NAV3: variants seen among roughly 807,000 people sequenced by gnomAD.
NAV3 encodes pore membrane and/or filament interacting like protein 1.
In NAV3, 87 loss-of-function variants were observed where a neutral mutation model predicts 244.7. The ratio of observed to expected loss-of-function variants is 0.36; its 90% CI spans 0.30 to 0.42. NAV3 has a LOEUF of 0.42. NAV3 is among the 20% of genes least tolerant of loss of function. The pLI, the probability that NAV3 is intolerant of heterozygous loss-of-function variation, is 1.00. For synonymous variants in NAV3, 1,126 were observed against 1,042.2 expected, an observed-to-expected ratio of 1.08 and a Z score of -1.55; for missense variants, 2,663 against 2,893.3, an observed-to-expected ratio of 0.92 and a Z score of 1.83.
chr12:77,868,339 C>A (rs528251035), intron 1 of NAV3, among the ~76,000 whole-genome samples: 3 of 152,054 alleles, frequency 2.0e-5, no homozygotes, highest in Non-Finnish European at 4.4e-5. Flanking sequence ...GTATGTTATT[C>A]TATTTTATCT....
At position 78,210,626 on chromosome 12, in the gene NAV3, GA is replaced by G; in HGVS notation, c.*110del. On this transcript the variant is annotated 3_prime_UTR_variant, in exon 40 of 40. Transcript: ENST00000397909. ...ATAAAAGCACCCTGTCAAGGGCCCT[GA>G]CCCAGAGTTGTGGTCTCCAAGGAGG... The G allele has an allele frequency of 7.5e-7, 1 of 1,340,000 alleles. No individual in the cohort carries two copies. Among genetic ancestry groups the G allele is most frequent in the East Asian group, 2.5e-5 (1 of 39,746 alleles). The allele number at this position is 1,340,000 out of a possible 1,614,324, so 83.0% of individuals were successfully genotyped here. A position where few individuals can be genotyped will look rare whatever the true frequency, so the allele number is the denominator to read the frequency against.
At chr12:77,958,307 G>T (rs1427929422) in intron 3 of NAV3, among the ~76,000 whole-genome samples, 1 of 152,116 alleles carries the variant, frequency 6.6e-6, no homozygotes, top group Non-Finnish European at 1.5e-5. Flanking sequence ...TAGTGGCTGT[G>T]TCTCGAAATT....
In NAV3 at chr12:78,015,118, C is replaced by T. The variant is rs983754292; in HGVS notation, c.1908-6629C>T. Among the ~76,000 whole-genome samples, 5 of 152,080 alleles carry T rather than the reference C, an allele frequency of 3.3e-5. No homozygotes were observed. In the East Asian group the frequency reaches 9.6e-4, roughly 29 times the overall value. On this transcript the variant is annotated intron_variant, in intron 8 of 39. Transcript: ENST00000397909. ...CTTTTCTGTGCTTGATTACGAGGTT[C>T]ATGGCAAGATTGCCTAACCAAACCA...
At chr12:77,642,783 C>A (rs778805288) in intron 2 of NAV3, among the ~76,000 whole-genome samples, 11 of 151,872 alleles carry the variant, frequency 7.2e-5, no homozygotes, top group Non-Finnish European at 1.5e-4. Flanking sequence ...GAAAAAAAGT[C>A]TTTGGTTATA....
Position 78,119,784 on chromosome 12 carries a change from A to C in NAV3, c.3588A>C (p.Gln1196His), listed in dbSNP as rs2138632167. The C allele has an allele frequency of 3.1e-6, 5 of 1,614,048 alleles. No homozygotes were observed. Among genetic ancestry groups the C allele is most frequent in the Non-Finnish European group, 4.2e-6 (5 of 1,180,010 alleles). Residue 1196 changes from glutamine to histidine, a missense_variant, in exon 15 of 40, where the codon CAA (glutamine) becomes CAC (histidine). This residue lies in a region of NAV3 where 1,521 missense variants were observed against 1,497.0 expected (regional missense o/e 1.02). Transcript: ENST00000397909. The part of the protein sequence containing the change: ...SGRSSPVTVN[Q>H]TDKEKEKVAV... ...GCTCGAGTCCTGTCACCGTCAACCA[A>C]ACAGACAAGGAAAAGGAAAAAGTAG...
At chr12:78,075,127 A>G (rs1434181348) in intron 12 of NAV3, among the ~76,000 whole-genome samples, 4 of 152,194 alleles carry the variant, frequency 2.6e-5, no homozygotes, top group African/African-American at 9.7e-5. Context: ...CTTTCCCTGT[A>G]TATCTGACAC....
chr12:77,763,277 A>C (rs1869579380), intron 2 of NAV3, among the ~76,000 whole-genome samples: 1 of 152,200 alleles, frequency 6.6e-6, no homozygotes, highest in Non-Finnish European at 1.5e-5. Context: ...AAGGGCCATT[A>C]GCGTTAAAGA....
At chr12:77,684,951 G>A (rs1043844664) in intron 2 of NAV3, among the ~76,000 whole-genome samples, 1 of 151,958 alleles carries the variant, frequency 6.6e-6, no homozygotes, top group Non-Finnish European at 1.5e-5. Flanking sequence ...TGACACCTTC[G>A]TCAGAATCAT....
chr12:77,651,078 G>A (rs17044061), intron 2 of NAV3, among the ~76,000 whole-genome samples: 2,577 of 151,932 alleles, frequency 0.017, 79 homozygotes, highest in African/African-American at 0.058. Flanking sequence ...CAACTATATC[G>A]CACATTGCTG....
intron 1 of NAV3, among the ~76,000 whole-genome samples, chr12:77,867,224 T>C (rs577450686): frequency 4.7e-4 from 71 of 152,254 alleles, no homozygotes; most frequent in African/African-American, 1.7e-3. Context: ...ATAAGTCTCA[T>C]GAGATCCGAT....
chr12:77,692,645 G>T (rs1466637905), intron 2 of NAV3, among the ~76,000 whole-genome samples: 1 of 152,034 alleles, frequency 6.6e-6, no homozygotes, highest in Non-Finnish European at 1.5e-5. Flanking sequence ...GAGTAAAGAA[G>T]CATGTTTAGC....
intron 3 of NAV3, chr12:77,947,447 T>C (rs1890465382): frequency 6.6e-6 from 1 of 151,010 alleles, no homozygotes; most frequent in Non-Finnish European, 1.5e-5. Flanking sequence ...GAAGATGAGG[T>C]TCTTAACCAA....
chr12:77,585,835 C>T (rs1006099048), intron 2 of NAV3, among the ~76,000 whole-genome samples: 1 of 152,146 alleles, frequency 6.6e-6, no homozygotes, highest in African/African-American at 2.4e-5. Flanking sequence ...GCTTTTCTGT[C>T]TCTTTACCTC....
At chr12:78,008,102 A>G (rs891936100) in intron 8 of NAV3, among the ~76,000 whole-genome samples, 9 of 152,206 alleles carry the variant, frequency 5.9e-5, no homozygotes, top group African/African-American at 1.4e-4. Flanking sequence ...GTTATTTATA[A>G]GATATTACTT....
chr12:78,117,558 A>G (rs1442048380), intron 13 of NAV3, among the ~76,000 whole-genome samples: 2 of 149,916 alleles, frequency 1.3e-5, no homozygotes, highest in Non-Finnish European at 3.0e-5. Context: ...AATTGATTAC[A>G]ATCTAATTCA....
At chr12:78,150,342 A>G (rs1484552644) in intron 22 of NAV3, among the ~76,000 whole-genome samples, 3 of 152,048 alleles carry the variant, frequency 2.0e-5, no homozygotes, top group African/African-American at 7.2e-5. Context: ...TTTATTTTTA[A>G]TGTCCCTTGG....
chr12:78,079,383 C>G (rs994579533), intron 12 of NAV3, among the ~76,000 whole-genome samples: 1 of 152,094 alleles, frequency 6.6e-6, no homozygotes, highest in Non-Finnish European at 1.5e-5. Flanking sequence ...TTTCTTATCT[C>G]TGAAGTTTTA....
rs372725432 is a variant in NAV3 at position 77,940,365 on chromosome 12, A to G, written c.290A>G (p.Lys97Arg). The G allele has an allele frequency of 1.4e-5, 22 of 1,613,836 alleles. No individual in the cohort carries two copies. The highest frequency in any genetic ancestry group is 2.7e-5 in the African/African-American group (2 of 74,910). Residue 97 changes from lysine to arginine, a missense_variant, in exon 2 of 40, where the codon AAG becomes AGG. Coordinates refer to ENST00000397909, the MANE Select transcript of NAV3 (RefSeq NM_001024383.2). Reference sequence around the variant, plus strand: ...CACTACCTAGCAAAATCAGGCCACAAGCGGCTGATCAAGGACTTGCAACAA... The same window carrying G: ...CACTACCTAGCAAAATCAGGCCACAGGCGGCTGATCAAGGACTTGCAACAA... ...ANHYLAKSGH[K>R]RLIKDLQQDI...
chr12:77,793,148 G>A (rs2135948662), intron 2 of NAV3, among the ~76,000 whole-genome samples: 1 of 152,116 alleles, frequency 6.6e-6, no homozygotes, highest in East Asian at 1.9e-4. Flanking sequence ...GTGTGAATGA[G>A]TAAATAAAAA....
Sources: gnomAD v4.1 joint callset for allele counts (sites outside exome capture counted in the v4.1 genomes callset) on GRCh38, gnomAD v4.1.1 for gene constraint, gnomAD v4.1.1 regional missense constraint, MANE v1.5 for transcripts, NCBI Gene and HGNC (gene_info 2026-07-23, HGNC 2026-07-21) for gene names.